The following ABTB2 variants were observed in gnomAD, a reference collection of about 807,000 sequenced individuals.
ABTB2 encodes ankyrin repeat and BTB/POZ domain-containing protein 2.
A neutral mutation model predicts 104.1 loss-of-function variants in ABTB2; 56 were observed. That is an observed-to-expected ratio of 0.54 (90% CI 0.43 to 0.67). The LOEUF is 0.67. Among genes scored for constraint, ABTB2 ranks in the 30% least tolerant of loss-of-function variants. The pLI, the probability that ABTB2 is intolerant of heterozygous loss-of-function variation, is 0.00. For synonymous variants in ABTB2, 606 were observed against 608.2 expected, an observed-to-expected ratio of 1.00 and a Z score of 0.05; for missense variants, 1,279 against 1,407.7, an observed-to-expected ratio of 0.91 and a Z score of 1.46.
At chr11:34,200,542 A>C (rs1230129315) in intron 2 of ABTB2, among the ~76,000 whole-genome samples, 2 of 152,172 alleles carry the variant, frequency 1.3e-5, no homozygotes, top group Non-Finnish European at 2.9e-5. Flanking sequence ...AAAAACTTAC[A>C]CTGCGTGGCA....
At chr11:34,336,611 C>G (rs1419668998) in intron 1 of ABTB2, among the ~76,000 whole-genome samples, 3 of 151,962 alleles carry the variant, frequency 2.0e-5, no homozygotes, top group Non-Finnish European at 2.9e-5. Context: ...CCACTACACT[C>G]CAGCCTAGGT....
chr11:34,230,089 C>G (rs541796598), intron 1 of ABTB2, among the ~76,000 whole-genome samples: 1 of 152,336 alleles, frequency 6.6e-6, no homozygotes, highest in Admixed American at 6.5e-5. Context: ...TGTTGAAGCT[C>G]CTGGGAAGCC....
At chr11:34,212,658 A>G (rs543086927) in intron 1 of ABTB2, among the ~76,000 whole-genome samples, 3 of 152,298 alleles carry the variant, frequency 2.0e-5, no homozygotes, top group African/African-American at 7.2e-5. Flanking sequence ...CTCCCCATGC[A>G]AACTCAGAGA....
chr11:34,288,763 G>A (rs1854533567), intron 1 of ABTB2, among the ~76,000 whole-genome samples: 1 of 147,152 alleles, frequency 6.8e-6, no homozygotes, highest in Admixed American at 6.8e-5. Flanking sequence ...CTCCTCTCCT[G>A]GGTGCACAAG....
At chr11:34,250,691 C>T (rs759821035) in intron 1 of ABTB2, among the ~76,000 whole-genome samples, 2 of 152,170 alleles carry the variant, frequency 1.3e-5, no homozygotes, top group Non-Finnish European at 2.9e-5. Context: ...TCCTCAGAAG[C>T]CTTCACTAAG....
chr11:34,164,603 T>C (rs1852771393), intron 9 of ABTB2, 83 bp downstream of exon 9: 1 of 1,368,920 alleles, frequency 7.3e-7, no homozygotes, highest in Non-Finnish European at 9.4e-7. Flanking sequence ...CTAGCTCTTT[T>C]GCTCCCATCG....
At chr11:34,328,696 C>T (rs1011685473) in intron 1 of ABTB2, among the ~76,000 whole-genome samples, 1 of 152,176 alleles carries the variant, frequency 6.6e-6, no homozygotes. Context: ...TATTGGCTCT[C>T]AACATTCACA....
At chr11:34,215,021 C>T (rs1853533432) in intron 1 of ABTB2, among the ~76,000 whole-genome samples, 6 of 152,198 alleles carry the variant, frequency 3.9e-5, no homozygotes. Context: ...GGCCCCTTCG[C>T]CTGGCCCCAG....
chr11:34,178,593 C>T (rs1226770610), intron 3 of ABTB2, among the ~76,000 whole-genome samples: 2 of 152,220 alleles, frequency 1.3e-5, no homozygotes, highest in Non-Finnish European at 2.9e-5. Flanking sequence ...TTGCGTTTCC[C>T]GTAGGCTGAG....
rs544536263 is a variant in ABTB2, at chr11:34,344,026, T to C, written c.883+12675A>G. On this transcript the variant is annotated intron_variant, in intron 1 of 16. Coordinates refer to ENST00000435224, the MANE Select transcript of ABTB2 (RefSeq NM_145804.3). The stretch of plus-strand genomic sequence containing the variant: ...TCAAAGCATCCAACAGGCGGTTGGA[T>C]ACTCCCAAACCATTCGGACACCACT... Among the ~76,000 whole-genome samples, 84 of 152,220 alleles carry C rather than the reference T, an allele frequency of 5.5e-4. No homozygotes were observed. In the Middle Eastern group the frequency reaches 0.01, roughly 18 times the overall value.
At chr11:34,160,069 A>T in intron 12 of ABTB2, 61 bp from the exon 13 acceptor site, 1 of 1,458,214 alleles carries the variant, frequency 6.9e-7, no homozygotes, top group Non-Finnish European at 9.6e-7. Flanking sequence ...GGTTTGCTTG[A>T]GTGTGCTGTG....
At chr11:34,248,117 A>ATTTTTTTTTTTTTTTTTTTTAGG (rs1854009192) in intron 1 of ABTB2, among the ~76,000 whole-genome samples, 1 of 134,030 alleles carries the variant, frequency 7.5e-6, no homozygotes, top group African/African-American at 2.9e-5. Context: ...AAAAAAAAAA[A>ATTTTTTTTTTTTTTTTTTTTAGG]AAAAACAGGG....
chr11:34,302,653 A>T (rs1854720339), intron 1 of ABTB2, among the ~76,000 whole-genome samples: 1 of 152,206 alleles, frequency 6.6e-6, no homozygotes, highest in South Asian at 2.1e-4. Flanking sequence ...TGGCTTTAAA[A>T]AATACCTCAA....
At chr11:34,163,377 GAC>G (rs1365170570) in intron 9 of ABTB2, among the ~76,000 whole-genome samples, 1 of 152,212 alleles carries the variant, frequency 6.6e-6, no homozygotes, top group Non-Finnish European at 1.5e-5. Context: ...TATGAATGAA[GAC>G]ACAGAATGTT....
chr11:34,195,049 C>G (rs917416652), intron 3 of ABTB2, among the ~76,000 whole-genome samples: 2 of 129,570 alleles, frequency 1.5e-5, no homozygotes, highest in Non-Finnish European at 3.1e-5. Context: ...TGGGGGAAAG[C>G]CACAGGACAT....
chr11:34,265,766 C>T (rs978221456), intron 1 of ABTB2, among the ~76,000 whole-genome samples: 7 of 149,954 alleles, frequency 4.7e-5, no homozygotes, highest in South Asian at 2.1e-4. Context: ...GTCAGGAGTT[C>T]GAGACCAGCC....
chr11:34,158,997 G>A (rs1852670155), intron 14 of ABTB2, among the ~76,000 whole-genome samples: 1 of 152,160 alleles, frequency 6.6e-6, no homozygotes, highest in Admixed American at 6.5e-5. Context: ...CTGATAACAA[G>A]GACTCACACC....
In ABTB2 at chr11:34,164,710, C is replaced by G; in HGVS notation, c.1964G>C (p.Ser655Thr). The change falls in exon 9 of 17, where the codon AGC (serine) becomes ACC (threonine). Residue 655 changes from serine to threonine, a missense_variant. Transcript: ENST00000435224. ...SSLHEDMNCF[S>T]HSAAHGHRNV... ...CCTGTGGCCGTGGGCAGCTGAGTGG[C>G]TGAAGCAGTTCATGTCCTCGTGGAG... is the stretch of plus-strand genomic sequence containing the variant. 6.5e-7 allele frequency: 1 copy of G among 1,535,838 alleles called. No individual in the cohort carries two copies. The highest frequency in any genetic ancestry group is 1.3e-5 in the South Asian group (1 of 78,486).
At chr11:34,159,487 A>G (rs1397372590) in intron 13 of ABTB2, 101 bp from the exon 14 acceptor site, 6 of 774,732 alleles carry the variant, frequency 7.7e-6, no homozygotes, top group Non-Finnish European at 1.3e-5. Context: ...CACAAGACGG[A>G]ACATTTTAAA....
Sources: allele counts gnomAD v4.1 joint callset (sites outside exome capture counted in the v4.1 genomes callset), GRCh38; gene constraint gnomAD v4.1.1; transcripts MANE v1.5; gene names NCBI Gene and HGNC (gene_info 2026-07-23, HGNC 2026-07-21).